The following KIAA0930 variants were observed in gnomAD, a reference collection of about 807,000 sequenced individuals.
KIAA0930 encodes the protein KIAA0930.
KIAA0930 carries 24 observed loss-of-function variants against 43.9 expected under a neutral mutation model. That is an observed-to-expected ratio of 0.55 (90% CI 0.40 to 0.77). The LOEUF (loss-of-function observed/expected upper bound fraction) is 0.77. KIAA0930 is among the 30% of genes least tolerant of loss of function. The probability of loss-of-function intolerance (pLI) is 0.00; values close to 1 mark genes in which losing one functional copy is unlikely to be tolerated. For missense variants in KIAA0930, 461 were observed against 574.2 expected, an observed-to-expected ratio of 0.80 and a Z score of 2.02; for synonymous variants, 259 against 216.4, an observed-to-expected ratio of 1.20 and a Z score of -1.73.
intron 1 of KIAA0930, among the ~76,000 whole-genome samples, chr22:45,229,873 C>T (rs1044297454): frequency 6.6e-6 from 1 of 152,222 alleles, no homozygotes; most frequent in Admixed American, 6.5e-5. Context: ...GCGGGTGGAT[C>T]ACCTGAGGTC....
At position 45,211,996 on chromosome 22, in the gene KIAA0930, A is replaced by C; in HGVS notation, c.176T>G (p.Leu59Arg). 1 of 1,613,428 alleles carries C rather than the reference A, an allele frequency of 6.2e-7. No individual in the cohort carries two copies. The highest frequency in any genetic ancestry group is 1.7e-5 in the Admixed American group (1 of 60,012). ...ACCGCTTTCGCTGCCGGAGTACGCC[A>C]GCTTCCGGCGCACATAGAAAAGCAT... ...DDMLFYVRRK[L>R]AYSGSESGAD... is the part of the protein sequence containing the mutation. Residue 59 changes from leucine (L) to arginine (R), a missense_variant, in exon 2 of 10, where the codon CTG becomes CGG. Physicochemically the swap from Leu to Arg is moderately radical, Grantham distance 102 (BLOSUM62 -2). Coordinates refer to ENST00000336156, the MANE Select transcript of KIAA0930 (RefSeq NM_001009880.2).
intron 1 of KIAA0930, among the ~76,000 whole-genome samples, chr22:45,218,480 G>A (rs187380864): frequency 1.3e-5 from 2 of 151,482 alleles, no homozygotes; most frequent in Non-Finnish European, 2.9e-5. Context: ...CACTACGCTC[G>A]GCCACCCTAC....
At position 45,232,435 on chromosome 22, in the gene KIAA0930, C is replaced by T. The variant is rs140134344; in HGVS notation, c.64+8205G>A. Reference sequence around the variant, plus strand: ...AACTCTGCCTGTTGTTCACCTGCCTCGGTCTCCTCACTTGCACCACGGGGC... The same window carrying T: ...AACTCTGCCTGTTGTTCACCTGCCTTGGTCTCCTCACTTGCACCACGGGGC... On this transcript the variant is annotated intron_variant, in intron 1 of 9. Transcript: ENST00000336156. Among the ~76,000 whole-genome samples, 59 of 152,332 alleles carry T rather than the reference C, an allele frequency of 3.9e-4. No homozygotes were observed. The South Asian group carries it at 5.8e-3, about 15-fold the overall frequency.
chr22:45,235,299 G>A (rs1264347356), intron 1 of KIAA0930: 2 of 152,368 alleles, frequency 1.3e-5, no homozygotes, highest in South Asian at 2.1e-4. Context: ...ATGCAGCTGT[G>A]GTCCTCGGCC....
At position 45,193,441 on chromosome 22, in the gene KIAA0930, T is replaced by G. The variant is rs1382843641; in HGVS notation, c.*3735A>C. 1.3e-5 allele frequency: 2 copies of G among 152,228 alleles called. No homozygotes were observed. The highest frequency in any genetic ancestry group is 6.5e-5 in the Admixed American group (1 of 15,282). The allele number at this position is 152,228 out of a possible 1,614,324, so 9.4% of individuals were successfully genotyped here. On this transcript the variant is annotated 3_prime_UTR_variant, in exon 10 of 10. Transcript: ENST00000336156. ...CATCTTTTAATGAAAAAAAAAAGTT[T>G]TACTTTGTTCTTCAAAAGTCTTCTA...
In KIAA0930 at chr22:45,212,019, C is replaced by T; in HGVS notation, c.153G>A (p.Met51Ile). ...MEKWAPRQDDMLFYVRRKLAY... is the reference protein window; with the variant it reads ...MEKWAPRQDDILFYVRRKLAY... ...CCAGCTTCCGGCGCACATAGAAAAG[C>T]ATGTCGTCCTGCCGGGGAGCCCATT... Residue 51 changes from methionine to isoleucine, a missense_variant, in exon 2 of 10, where the codon ATG becomes ATA. Transcript: ENST00000336156. 6.2e-7 allele frequency: 1 copy of T among 1,613,876 alleles called. No individual in the cohort carries two copies. The highest frequency in any genetic ancestry group is 2.2e-5 in the East Asian group (1 of 44,872).
chr22:45,213,257 G>C, intron 1 of KIAA0930: 1 of 1,238,062 alleles, frequency 8.1e-7, no homozygotes, highest in South Asian at 1.3e-5. Context: ...CCCAGCCCTC[G>C]GCCCTCAGCC....
intron 1 of KIAA0930, among the ~76,000 whole-genome samples, chr22:45,216,686 AGCACAGAGCCTCGTC>A (rs1458475618): frequency 1.3e-5 from 2 of 152,096 alleles, no homozygotes; most frequent in Admixed American, 6.5e-5. Context: ...CTGCTAGTCC[AGCACAGAGCCTCGTC>A]GTCTCCAGAC....
intron 1 of KIAA0930, among the ~76,000 whole-genome samples, chr22:45,228,383 A>G (rs569718144): frequency 1.6e-3 from 245 of 152,202 alleles, no homozygotes; most frequent in African/African-American, 5.6e-3. Context: ...TCCCTAATTC[A>G]TAAAAGGAAA....
chr22:45,218,307 A>G (rs12166771), intron 1 of KIAA0930, among the ~76,000 whole-genome samples: 22,682 of 142,666 alleles, frequency 0.16, 2,047 homozygotes, highest in African/African-American at 0.25. Context: ...ACAGGCATGC[A>G]CCATCACACC....
At chr22:45,204,222 C>T (rs1361041493) in intron 5 of KIAA0930, among the ~76,000 whole-genome samples, 2 of 152,182 alleles carry the variant, frequency 1.3e-5, no homozygotes, top group Non-Finnish European at 2.9e-5. Flanking sequence ...GACTCTGGGA[C>T]TGGCAGAAGA....
intron 1 of KIAA0930, chr22:45,226,132 G>A (rs893500478): frequency 1.7e-5 from 7 of 411,882 alleles, no homozygotes; most frequent in South Asian, 5.4e-5. Flanking sequence ...CAGAGAGCAC[G>A]CGGCAGCCTC....
At position 45,213,522 on chromosome 22, in the gene KIAA0930, G is replaced by A. The variant is rs1026515069; in HGVS notation, c.65-1415C>T. 118 of 1,164,380 alleles carry A rather than the reference G, an allele frequency of 1.0e-4. No homozygotes were observed. In the Middle Eastern group the frequency reaches 1.5e-3, roughly 15 times the overall value. 72.1% of individuals were successfully genotyped at this position (1,164,380 alleles called of 1,614,324 possible). On this transcript the variant is annotated intron_variant, in intron 1 of 9. Transcript: ENST00000336156. The stretch of plus-strand genomic sequence containing the variant: ...AAACACGCGTGCTGTCTGCAGAGTC[G>A]CTTTGAAATTCCTGCCGCGTTTTTG...
chr22:45,208,981 T>C (rs1428487996), intron 2 of KIAA0930, among the ~76,000 whole-genome samples: 1 of 152,122 alleles, frequency 6.6e-6, no homozygotes, highest in African/African-American at 2.4e-5. Context: ...AGGCACACAA[T>C]GGGCTGCCCA....
chr22:45,228,891 ATC>A (rs1569083825), intron 1 of KIAA0930, among the ~76,000 whole-genome samples: 4 of 1,892 alleles, frequency 2.1e-3, no homozygotes, highest in African/African-American at 0.017. Flanking sequence ...ATCCCTCCCC[ATC>A]CCCCCAACCA....
At position 45,192,366 on chromosome 22, in the gene KIAA0930, GA is replaced by G. The variant is rs2083496402; in HGVS notation, c.*4809del. 1 of 152,184 alleles carries G rather than the reference GA, an allele frequency of 6.6e-6. No individual in the cohort carries two copies. Among genetic ancestry groups the G allele is most frequent in the African/African-American group, 2.4e-5 (1 of 41,418 alleles). The allele number at this position is 152,184 out of a possible 1,614,324, so 9.4% of individuals were successfully genotyped here. A position where few individuals can be genotyped will look rare whatever the true frequency, so the allele number is the denominator to read the frequency against. ...CTAGCAATGATTTCCACTGGATGTGGAAGAGGGTTAATAAAGACGCTGTTGG... is the reference window on the plus strand; with the variant it reads ...CTAGCAATGATTTCCACTGGATGTGGAGAGGGTTAATAAAGACGCTGTTGG... On this transcript the variant is annotated 3_prime_UTR_variant, in exon 10 of 10. Transcript: ENST00000336156.
intron 1 of KIAA0930, among the ~76,000 whole-genome samples, chr22:45,218,002 G>A (rs933249781): frequency 2.6e-5 from 4 of 152,094 alleles, no homozygotes; most frequent in African/African-American, 9.7e-5. Context: ...ACCCCAGTGC[G>A]GTGTCTGCCA....
intron 1 of KIAA0930, among the ~76,000 whole-genome samples, chr22:45,237,910 C>G (rs2083896487): frequency 6.8e-6 from 1 of 146,414 alleles, no homozygotes; most frequent in Non-Finnish European, 1.5e-5. Flanking sequence ...AATCTCTCAT[C>G]TGAAAAATGA....
intron 1 of KIAA0930, among the ~76,000 whole-genome samples, chr22:45,224,565 T>C (rs1157941554): frequency 1.3e-5 from 2 of 152,216 alleles, no homozygotes; most frequent in Non-Finnish European, 2.9e-5. Context: ...TCAGTTAGTT[T>C]GGTCTCATGC....
Sources: gnomAD v4.1 joint callset for allele counts (sites outside exome capture counted in the v4.1 genomes callset) on GRCh38, gnomAD v4.1.1 for gene constraint, MANE v1.5 for transcripts, NCBI Gene and HGNC (gene_info 2026-07-23, HGNC 2026-07-21) for gene names.